DMD: variants seen among roughly 807,000 people sequenced by gnomAD.
The protein encoded by DMD is mutant dystrophin.
DMD carries 63 observed loss-of-function variants against 330.1 expected under a neutral mutation model. The observed-to-expected ratio is 0.19, with a 90% confidence interval of 0.16 to 0.24. The LOEUF (loss-of-function observed/expected upper bound fraction) is 0.24, where lower values mean the gene tolerates loss of function less well. DMD is among the 10% of genes least tolerant of loss of function. The pLI is 1.00. For missense variants in DMD, 3,344 were observed against 2,684.1 expected, an observed-to-expected ratio of 1.25 and a Z score of -5.43; for synonymous variants, 1,223 against 959.8, an observed-to-expected ratio of 1.27 and a Z score of -5.07.
intron 1 of DMD, among the ~76,000 whole-genome samples, chrX:33,322,374 G>A: frequency 9.2e-6 from 1 of 109,080 alleles, no homozygotes; most frequent in Non-Finnish European, 1.9e-5. Flanking sequence ...CCAAGGAGAG[G>A]GAGACAGATG....
intron 77 of DMD, 62 bp downstream of exon 77, chrX:31,134,040 G>C: frequency 4.0e-6 from 4 of 1,012,078 alleles, no homozygotes; most frequent in Non-Finnish European, 5.6e-6. Flanking sequence ...ACACCAGTTG[G>C]GTAGGGAAGC....
chrX:32,564,646 T>A lies in DMD; in HGVS notation c.1992+1056A>T, dbSNP rs12689622. Among the ~76,000 whole-genome samples, 34 of 112,196 alleles carry A rather than the reference T, an allele frequency of 3.0e-4. No individual in the cohort carries two copies. In the East Asian group the frequency reaches 5.0e-3, roughly 17 times the overall value. On this transcript the variant is annotated intron_variant, in intron 16 of 78. Transcript: ENST00000357033. ...CAATTTATATTCATATTTCTTCAAATTATAATTTTTTAACGTAAAATTGGA... is the reference window on the plus strand; with the variant it reads ...CAATTTATATTCATATTTCTTCAAAATATAATTTTTTAACGTAAAATTGGA...
chrX:33,333,197 G>T (rs1179512863), intron 1 of DMD, among the ~76,000 whole-genome samples: 3 of 111,113 alleles, frequency 2.7e-5, no homozygotes, highest in African/African-American at 9.8e-5. Flanking sequence ...TGACTAGATG[G>T]TTAAAAAACA....
intron 55 of DMD, among the ~76,000 whole-genome samples, chrX:31,514,159 A>C (rs776616164): frequency 8.9e-6 from 1 of 112,207 alleles, no homozygotes; most frequent in South Asian, 3.7e-4. Context: ...GATTTGTAGC[A>C]GTGGATAGAG....
chrX:32,598,288 A>G (rs1412147359), intron 12 of DMD, among the ~76,000 whole-genome samples: 2 of 111,942 alleles, frequency 1.8e-5, no homozygotes. Flanking sequence ...ATGGTTAATA[A>G]AACTCTTTTT....
intron 2 of DMD, among the ~76,000 whole-genome samples, chrX:32,925,327 CAT>C (rs752994142): frequency 6.6e-4 from 72 of 109,824 alleles, no homozygotes; most frequent in African/African-American, 2.3e-3. Context: ...AAAACCACAA[CAT>C]TGTATTCCGG....
intron 44 of DMD, among the ~76,000 whole-genome samples, chrX:32,054,670 A>G (rs1275672374): frequency 9.2e-6 from 1 of 108,932 alleles, no homozygotes; most frequent in Non-Finnish European, 1.9e-5. Context: ...GAGGCACCAT[A>G]CAGGACATTG....
intron 37 of DMD, among the ~76,000 whole-genome samples, chrX:32,349,268 CAA>C (rs2097773925): frequency 9.0e-6 from 1 of 110,930 alleles, no homozygotes; most frequent in African/African-American, 3.3e-5. Flanking sequence ...CATGGAAAAT[CAA>C]ATATATATTC....
chrX:32,778,114 T>C (rs1241229158), intron 7 of DMD, among the ~76,000 whole-genome samples: 2 of 111,058 alleles, frequency 1.8e-5, no homozygotes, highest in African/African-American at 3.3e-5. Context: ...ACAGAATATA[T>C]AGGACAAAGT....
rs187649155 is a variant in DMD at position 31,622,020 on chromosome X, C to A, written c.8217+5653G>T. Among the ~76,000 whole-genome samples the A allele has an allele frequency of 2.4e-4, 27 of 111,625 alleles. No individual in the cohort carries two copies. The Admixed American group carries it at 2.6e-3, about 11-fold the overall frequency. Reference sequence around the variant, plus strand: ...CAATTCAGTTGGTATCTATTGTGGGCAGAGATATTTTTAAAATCTCCCCCA... The same window carrying A: ...CAATTCAGTTGGTATCTATTGTGGGAAGAGATATTTTTAAAATCTCCCCCA... On this transcript the variant is annotated intron_variant, in intron 55 of 78. Coordinates refer to ENST00000357033, the MANE Select transcript of DMD (RefSeq NM_004006.3).
chrX:32,080,063 T>C (rs2096381125), intron 44 of DMD, among the ~76,000 whole-genome samples: 1 of 112,643 alleles, frequency 8.9e-6, no homozygotes, highest in African/African-American at 3.2e-5. Context: ...GAACTATTTT[T>C]TAAAATCTCA....
chrX:32,582,828 A>T (rs902522114), intron 13 of DMD, among the ~76,000 whole-genome samples: 4 of 111,704 alleles, frequency 3.6e-5, no homozygotes, highest in African/African-American at 1.3e-4. Context: ...CCAAAAACAT[A>T]TTCTCTGCCT....
At position 32,870,632 on chromosome X, in the gene DMD, C is replaced by A. The variant is rs578175802; in HGVS notation, c.94-20812G>T. On this transcript the variant is annotated intron_variant, in intron 2 of 78. Transcript: ENST00000357033. ...ATAAGATCACACATCTAATACCCAA[C>A]CAACTGATGTTTGACAAACCTGACA... is the stretch of plus-strand genomic sequence containing the variant. 3.6e-5 allele frequency among the ~76,000 whole-genome samples: 4 copies of A among 110,862 alleles called. No individual in the cohort carries two copies. In the South Asian group the frequency reaches 1.2e-3, roughly 33 times the overall value.
At chrX:31,745,594 T>C (rs1237468440) in intron 51 of DMD, among the ~76,000 whole-genome samples, 1 of 112,178 alleles carries the variant, frequency 8.9e-6, no homozygotes, top group Non-Finnish European at 1.9e-5. Context: ...CCTTCATGCA[T>C]CTTTTTAAGA....
chrX:32,860,098 G>A (rs1281957315), intron 2 of DMD, among the ~76,000 whole-genome samples: 1 of 111,773 alleles, frequency 8.9e-6, no homozygotes, highest in African/African-American at 3.3e-5. Flanking sequence ...TTTTTAGTAT[G>A]AAATAAAGAA....
At position 32,474,208 on chromosome X, in the gene DMD, TAC is replaced by T. The variant is rs3045001; in HGVS notation, c.2804-1901_2804-1900del. 1.8e-3 allele frequency among the ~76,000 whole-genome samples: 74 copies of T among 41,227 alleles called. 1 individual carries two copies. In the South Asian group the frequency reaches 0.038, roughly 21 times the overall value. The allele number at this position is 41,227 out of a possible 115,157, so 35.8% of individuals were successfully genotyped here. On this transcript the variant is annotated intron_variant, in intron 21 of 78. Coordinates refer to ENST00000357033, the MANE Select transcript of DMD (RefSeq NM_004006.3). Reference sequence around the variant, plus strand: ...ATTCCATCATATATACATACATACATACACACACACACACACACACACACACA... The same window carrying T: ...ATTCCATCATATATACATACATACATACACACACACACACACACACACACA...
intron 16 of DMD, among the ~76,000 whole-genome samples, chrX:32,562,541 T>A (rs2051147105): frequency 8.9e-6 from 1 of 112,846 alleles, no homozygotes. Flanking sequence ...ACTTTGCTCA[T>A]TCTTTATACT....
Position 33,178,174 on chromosome X carries a change from AATATCCAGTG to A in DMD, c.31+33098_31+33107del, listed in dbSNP as rs59509159. 7.0e-3 allele frequency among the ~76,000 whole-genome samples: 789 copies of A among 112,264 alleles called. 6 individuals are homozygous for A. The highest frequency in any genetic ancestry group is 0.024 in the African/African-American group (743 of 30,869). ...TCCACTGCAAGGGAAAGTAAGCAGA[AATATCCAGTG>A]GGATTTGGAGGAAAGCTGTGTAAAG... On this transcript the variant is annotated intron_variant, in intron 1 of 78. Transcript: ENST00000357033.
intron 60 of DMD, among the ~76,000 whole-genome samples, chrX:31,369,693 A>G (rs2059440887): frequency 9.0e-6 from 1 of 110,816 alleles, no homozygotes; most frequent in Non-Finnish European, 1.9e-5. Flanking sequence ...TGGACAAGAA[A>G]CATAGAAGGT....
Sources: allele counts gnomAD v4.1 joint callset (sites outside exome capture counted in the v4.1 genomes callset), GRCh38; gene constraint gnomAD v4.1.1; transcripts MANE v1.5; gene names NCBI Gene and HGNC (gene_info 2026-07-23, HGNC 2026-07-21).